Variants in CTRB1 observed in about 807,000 individuals in gnomAD.
CTRB1 encodes chymotrypsinogen B1.
A neutral mutation model predicts 20.4 loss-of-function variants in CTRB1; 15 were observed. The observed-to-expected ratio is 0.74, with a 90% confidence interval of 0.49 to 1.13. The LOEUF is 1.13. Among genes scored for constraint, CTRB1 ranks in the 50% most tolerant of loss-of-function variants. The probability of loss-of-function intolerance (pLI) is 0.00; values close to 1 mark genes in which losing one functional copy is unlikely to be tolerated. For synonymous variants in CTRB1, 92 were observed against 128.4 expected (o/e 0.72, Z 1.92); for missense variants, 227 against 290.1 (o/e 0.78, Z 1.58).
chr16:75,222,587 C>T (rs1026678700), intron 1 of CTRB1, 181 bp from the exon 2 acceptor site: 2 of 646,032 alleles, frequency 3.1e-6, no homozygotes, highest in Non-Finnish European at 5.2e-6. Context: ...AGCCAGCAGG[C>T]CGAGAGTTGG....
chr16:75,219,537 A>G (rs7184591), intron 1 of CTRB1, among the ~76,000 whole-genome samples: 50,394 of 151,788 alleles, frequency 0.33, 11,283 homozygotes, highest in African/African-American at 0.64. Flanking sequence ...GACTACAGGC[A>G]TGGACCACCA....
intron 1 of CTRB1, 57 bp downstream of exon 1, chr16:75,219,116 G>A (rs1046355781): frequency 1.2e-4 from 178 of 1,530,712 alleles, no homozygotes; most frequent in Admixed American, 1.6e-4. Context: ...TGGCTGAGAG[G>A]GGGATCTGAG....
Position 75,224,759 on chromosome 16 carries a change from GGCATT to G in CTRB1, c.687_691del (p.Ile230ValfsTer48), listed in dbSNP as rs1488217036. On this transcript the variant is annotated frameshift_variant, in exon 7 of 7. Coordinates refer to ENST00000361017, the MANE Select transcript of CTRB1 (RefSeq NM_001906.6). LOFTEE classifies it low-confidence loss of function (END_TRUNC). ...AAAGGATGGAGCCTGGACCCTGGTG[GGCATT>G]GTGTCCTGGGGCAGCGACACCTGCT... 1 of 1,613,664 alleles carries G rather than the reference GGCATT, an allele frequency of 6.2e-7. No individual in the cohort carries two copies.
intron 1 of CTRB1, among the ~76,000 whole-genome samples, chr16:75,221,803 C>A (rs1263597829): frequency 6.6e-6 from 1 of 151,694 alleles, no homozygotes; most frequent in Non-Finnish European, 1.5e-5. Flanking sequence ...TGGCTCACGC[C>A]TGTAATCCCA....
At chr16:75,220,792 C>T (rs1181072161) in intron 1 of CTRB1, among the ~76,000 whole-genome samples, 2 of 151,830 alleles carry the variant, frequency 1.3e-5, no homozygotes, top group Admixed American at 6.6e-5. Flanking sequence ...GAGTTTCACA[C>T]TTGTCGCCCT....
chr16:75,223,998 T>G, intron 5 of CTRB1, 57 bp from the exon 6 acceptor site: 1 of 612,378 alleles, frequency 1.6e-6, no homozygotes, highest in South Asian at 2.0e-5. Flanking sequence ...CCCGGGTCTC[T>G]CCCTCCACTC....
chr16:75,222,550 C>G, intron 1 of CTRB1: 1 of 591,410 alleles, frequency 1.7e-6, no homozygotes. Context: ...GGAGACATGA[C>G]GCTCTGCATC....
intron 1 of CTRB1, 67 bp from the exon 2 acceptor site, chr16:75,222,701 G>C (rs1331195437): frequency 6.7e-6 from 10 of 1,491,966 alleles, no homozygotes; most frequent in Non-Finnish European, 9.0e-6. Flanking sequence ...CGGGAGAGCT[G>C]CACGCAGGCA....
At chr16:75,224,277 A>G in intron 6 of CTRB1, 89 bp downstream of exon 6, 2 of 1,542,874 alleles carry the variant, frequency 1.3e-6, no homozygotes, top group Admixed American at 2.0e-5. Flanking sequence ...TCATCTACTA[A>G]CCCCACTCCT....
intron 6 of CTRB1, 139 bp from the exon 7 acceptor site, chr16:75,224,566 C>A: frequency 9.4e-7 from 1 of 1,058,450 alleles, no homozygotes; most frequent in Non-Finnish European, 1.4e-6. Context: ...TAGGGTCTTT[C>A]ATAACCCACG....
intron 1 of CTRB1, among the ~76,000 whole-genome samples, chr16:75,221,521 G>A (rs960694707): frequency 1.4e-4 from 21 of 152,024 alleles, no homozygotes; most frequent in Admixed American, 3.3e-4. Flanking sequence ...CACCATGCCC[G>A]GCTAATTTTT....
chr16:75,220,986 G>A (rs1251016255), intron 1 of CTRB1, among the ~76,000 whole-genome samples: 3 of 152,120 alleles, frequency 2.0e-5, no homozygotes, highest in African/African-American at 7.2e-5. Flanking sequence ...TTGAACTCCT[G>A]ACCTTGTGAT....
chr16:75,224,672 C>A (rs1464630910), intron 6 of CTRB1, 33 bp from the exon 7 acceptor site: 3 of 1,585,352 alleles, frequency 1.9e-6, no homozygotes, highest in Admixed American at 3.7e-5. Flanking sequence ...GTCTCGGCTG[C>A]CAGATCCAAG....
chr16:75,221,667 G>A (rs1334109745), intron 1 of CTRB1, among the ~76,000 whole-genome samples: 4 of 152,054 alleles, frequency 2.6e-5, no homozygotes, highest in African/African-American at 9.7e-5. Flanking sequence ...CCAAAGTCCA[G>A]TTTTATTAAA....
intron 1 of CTRB1, among the ~76,000 whole-genome samples, chr16:75,221,161 G>A (rs571283272): frequency 9.4e-4 from 111 of 117,758 alleles, no homozygotes; most frequent in African/African-American, 3.3e-3. Flanking sequence ...CCCAGAAGGG[G>A]ACAGCTGGTC....
At position 75,222,836 on chromosome 16, in the gene CTRB1, G is replaced by C; in HGVS notation, c.121G>C (p.Val41Leu). ...LSRIVNGEDA[V>L]PGSWPWQVSL... ...CAGGATCGTGAATGGGGAGGACGCC[G>C]TCCCCGGCTCCTGGCCCTGGCAGGT... The change falls in exon 2 of 7, where the codon GTC becomes CTC. Residue 41 changes from valine (V) to leucine (L), a missense_variant. Around this residue, in one of 4 missense-constraint regions of CTRB1, gnomAD observed 71 missense variants for 69.1 expected, o/e 1.03. Coordinates refer to ENST00000361017, the MANE Select transcript of CTRB1 (RefSeq NM_001906.6). 6.5e-7 allele frequency: 1 copy of C among 1,533,008 alleles called. No homozygotes were observed. The highest frequency in any genetic ancestry group is 1.4e-5 in the African/African-American group (1 of 72,678). The allele number at this position is 1,533,008 out of a possible 1,614,324, so 95.0% of individuals were successfully genotyped here.
chr16:75,224,066 CCT>C lies in CTRB1; in HGVS notation c.509_510del (p.Pro170ArgfsTer109), dbSNP rs1387042200. 1 of 1,139,424 alleles carries C rather than the reference CCT, an allele frequency of 8.8e-7. No homozygotes were observed. The highest frequency in any genetic ancestry group is 1.2e-6 in the Non-Finnish European group (1 of 808,230). The allele number at this position is 1,139,424 out of a possible 1,614,324, so 70.6% of individuals were successfully genotyped here. ...GKTKYNANKT[P>X]DKLQQAALPL... ...CTCCTGTCCTGCAGCCAACAAGACC[CCT>C]GACAAGCTGCAGCAGGCAGCCCTGC... On this transcript the variant is annotated frameshift_variant, in exon 6 of 7. Coordinates refer to ENST00000361017, the MANE Select transcript of CTRB1 (RefSeq NM_001906.6). LOFTEE classifies it high-confidence loss of function.
intron 1 of CTRB1, among the ~76,000 whole-genome samples, chr16:75,222,204 G>A (rs1436170987): frequency 6.6e-6 from 1 of 150,914 alleles, no homozygotes; most frequent in African/African-American, 2.4e-5. Flanking sequence ...AATGTTTCCT[G>A]AAATTGTGGA....
intron 1 of CTRB1, 51 bp from the exon 2 acceptor site, chr16:75,222,717 G>GTTT: frequency 6.6e-7 from 1 of 1,525,646 alleles, no homozygotes; most frequent in Non-Finnish European, 8.8e-7. Flanking sequence ...AGGCAGGTGA[G>GTTT]GCCCAGGTGG....
Sources: allele counts gnomAD v4.1 joint callset (sites outside exome capture counted in the v4.1 genomes callset), GRCh38; gene constraint gnomAD v4.1.1; regional missense constraint gnomAD v4.1.1; transcripts MANE v1.5; gene names NCBI Gene and HGNC (gene_info 2026-07-23, HGNC 2026-07-21).